Variants in MRTFB observed in about 807,000 individuals in gnomAD.
The protein encoded by MRTFB is myocardin-related transcription factor B.
A neutral mutation model predicts 104.2 loss-of-function variants in MRTFB; 29 were observed. The observed-to-expected ratio is 0.28, with a 90% CI of 0.21 to 0.38. The LOEUF (loss-of-function observed/expected upper bound fraction) is 0.38, where lower values mean the gene tolerates loss of function less well. MRTFB is among the 10% of genes least tolerant of loss of function. The probability of loss-of-function intolerance (pLI) is 1.00; values close to 1 mark genes in which losing one functional copy is unlikely to be tolerated. For missense variants in MRTFB, 1,270 were observed against 1,341.6 expected (o/e 0.95, Z 0.83); for synonymous variants, 535 against 519.5 (o/e 1.03, Z -0.41).
At chr16:14,157,921 T>G (rs903762254) in intron 3 of MRTFB, among the ~76,000 whole-genome samples, 5 of 152,380 alleles carry the variant, frequency 3.3e-5, no homozygotes, top group African/African-American at 1.2e-4. Flanking sequence ...ATATATAGTT[T>G]CATTTTATTG....
the MRTFB span, among the ~76,000 whole-genome samples, chr16:14,054,416 C>A: frequency 6.6e-6 from 1 of 151,928 alleles, no homozygotes; most frequent in Non-Finnish European, 1.5e-5. Context: ...GGAGTTTTAC[C>A]ATATTGGCCA....
intron 8 of MRTFB, among the ~76,000 whole-genome samples, chr16:14,224,308 T>TA (rs1357254142): frequency 6.6e-6 from 1 of 152,240 alleles, no homozygotes; most frequent in Non-Finnish European, 1.5e-5. Context: ...TGAAACATCA[T>TA]AGAGTATACT....
intron 10 of MRTFB, among the ~76,000 whole-genome samples, chr16:14,243,111 A>T (rs2042848348): frequency 6.6e-6 from 1 of 152,222 alleles, no homozygotes; most frequent in African/African-American, 2.4e-5. Context: ...AGGTGGAGAA[A>T]CACTGATTTA....
chr16:14,154,455 G>A (rs759730783), intron 3 of MRTFB, among the ~76,000 whole-genome samples: 20 of 152,186 alleles, frequency 1.3e-4, no homozygotes, highest in Admixed American at 5.2e-4. Flanking sequence ...TTTTTAAAAT[G>A]TAGTCTGACA....
intron 2 of MRTFB, among the ~76,000 whole-genome samples, chr16:14,095,412 C>G (rs964002166): frequency 6.6e-5 from 10 of 152,204 alleles, no homozygotes; most frequent in Non-Finnish European, 1.2e-4. Context: ...TGTTAACACT[C>G]TACCTGCCTG....
At position 14,266,671 on chromosome 16, in the gene MRTFB, C is replaced by T. The variant is rs975208886; in HGVS notation, c.*5227C>T. ...TTTTATATGTGTGCACATTTATCAT[C>T]AGATCTTTTGTACATAGTGGCAGTA... On this transcript the variant is annotated 3_prime_UTR_variant, in exon 17 of 17. Coordinates refer to ENST00000571589, the MANE Select transcript of MRTFB (RefSeq NM_001308142.2). 1.3e-5 allele frequency: 2 copies of T among 152,186 alleles called. No homozygotes were observed. The highest frequency in any genetic ancestry group is 1.3e-4 in the Admixed American group (2 of 15,280). The allele number at this position is 152,186 out of a possible 1,614,324, so 9.4% of individuals were successfully genotyped here.
intron 9 of MRTFB, 44 bp downstream of exon 9, chr16:14,234,327 G>T (rs776565791): frequency 1.6e-5 from 26 of 1,604,846 alleles, no homozygotes; most frequent in Non-Finnish European, 2.2e-5. Context: ...CTTTATTTGT[G>T]ACTCTGTCTA....
intron 3 of MRTFB, among the ~76,000 whole-genome samples, chr16:14,208,389 G>A (rs1168987700): frequency 1.3e-5 from 2 of 152,348 alleles, no homozygotes; most frequent in African/African-American, 4.8e-5. Flanking sequence ...TCTCACAAAT[G>A]TGTGCTTTCA....
chr16:14,095,073 C>A (rs1952687878), intron 2 of MRTFB, among the ~76,000 whole-genome samples: 1 of 152,194 alleles, frequency 6.6e-6, no homozygotes, highest in Non-Finnish European at 1.5e-5. Context: ...CCAAAGAGAA[C>A]TTGCCTGACT....
intron 9 of MRTFB, among the ~76,000 whole-genome samples, chr16:14,238,225 G>C (rs2042608769): frequency 6.6e-6 from 1 of 152,100 alleles, no homozygotes; most frequent in South Asian, 2.1e-4. Flanking sequence ...CACGGGATGG[G>C]CTCCCACAAC....
chr16:14,049,587 G>A, the MRTFB span, among the ~76,000 whole-genome samples: 18 of 152,294 alleles, frequency 1.2e-4, no homozygotes, highest in African/African-American at 4.1e-4. Flanking sequence ...TAAAATGACT[G>A]AAATGACTTC....
chr16:14,082,735 C>T (rs967503380), intron 2 of MRTFB, among the ~76,000 whole-genome samples: 4 of 152,138 alleles, frequency 2.6e-5, no homozygotes, highest in African/African-American at 4.8e-5. Context: ...GCTGTGTGAT[C>T]GTACCACAGC....
chr16:14,127,546 A>G (rs2142367498), intron 2 of MRTFB, among the ~76,000 whole-genome samples: 2 of 151,852 alleles, frequency 1.3e-5, no homozygotes, highest in South Asian at 4.2e-4. Flanking sequence ...CAGGAGGCTG[A>G]AGCAGGAGAA....
At chr16:14,149,405 A>G (rs994923167) in intron 3 of MRTFB, 10 of 152,222 alleles carry the variant, frequency 6.6e-5, no homozygotes, top group Non-Finnish European at 1.5e-5. Flanking sequence ...CAAGTGTTAC[A>G]GTTGGTCAGC....
chr16:14,158,594 T>A (rs1475016730), intron 3 of MRTFB, among the ~76,000 whole-genome samples: 1 of 152,200 alleles, frequency 6.6e-6, no homozygotes, highest in African/African-American at 2.4e-5. Context: ...GGTAGTTAAT[T>A]AAAGATATGT....
At chr16:13,999,263 A>G in the MRTFB span, among the ~76,000 whole-genome samples, 1 of 152,050 alleles carries the variant, frequency 6.6e-6, no homozygotes, top group African/African-American at 2.4e-5. Context: ...TGAAACTGCA[A>G]AATGAATAAA....
intron 3 of MRTFB, among the ~76,000 whole-genome samples, chr16:14,188,604 T>C (rs1410876870): frequency 6.6e-6 from 1 of 152,154 alleles, no homozygotes; most frequent in Non-Finnish European, 1.5e-5. Flanking sequence ...ACAGGTGTAA[T>C]AGTATAATGG....
At chr16:14,029,108 A>G in the MRTFB span, among the ~76,000 whole-genome samples, 1 of 151,936 alleles carries the variant, frequency 6.6e-6, no homozygotes, top group Non-Finnish European at 1.5e-5. Context: ...CAGGCAGGGC[A>G]ACATAACAAG....
chr16:14,085,660 A>G (rs373868984), intron 2 of MRTFB, among the ~76,000 whole-genome samples: 1 of 152,082 alleles, frequency 6.6e-6, no homozygotes, highest in African/African-American at 2.4e-5. Context: ...TGGCATGCAC[A>G]TGGCAAACAC....
Sources: gnomAD v4.1 joint callset for allele counts (sites outside exome capture counted in the v4.1 genomes callset) on GRCh38, gnomAD v4.1.1 for gene constraint, MANE v1.5 for transcripts, NCBI Gene and HGNC (gene_info 2026-07-23, HGNC 2026-07-21) for gene names.